The following DNAH11 variants were observed in gnomAD, a reference collection of about 807,000 sequenced individuals.
DNAH11 encodes the protein axonemal beta dynein heavy chain 11.
DNAH11 carries 442 observed loss-of-function variants against 526.0 expected under a neutral mutation model. That is an observed-to-expected ratio of 0.84 (90% CI 0.78 to 0.91). The LOEUF is 0.91. Among genes scored for constraint, DNAH11 ranks in the 40% least tolerant of loss-of-function variants. The pLI, the probability that DNAH11 is intolerant of heterozygous loss-of-function variation, is 0.00. For synonymous variants in DNAH11, 2,461 were observed against 1,935.9 expected, an observed-to-expected ratio of 1.27 and a Z score of -7.12; for missense variants, 6,989 against 5,448.7, an observed-to-expected ratio of 1.28 and a Z score of -8.90.
intron 42 of DNAH11, among the ~76,000 whole-genome samples, chr7:21,715,078 A>AT (rs1359597362): frequency 6.6e-6 from 1 of 152,214 alleles, no homozygotes; most frequent in African/African-American, 2.4e-5. Context: ...AACTTCAGAA[A>AT]TAATTGGTAT....
intron 20 of DNAH11, 87 bp downstream of exon 20, chr7:21,606,820 T>C (rs1785307973): frequency 8.4e-7 from 1 of 1,184,538 alleles, no homozygotes; most frequent in South Asian, 1.4e-5. Flanking sequence ...CCACATTTTG[T>C]CTTTGTTTTG....
At chr7:21,731,690 A>G (rs1436900696) in intron 45 of DNAH11, among the ~76,000 whole-genome samples, 2 of 152,210 alleles carry the variant, frequency 1.3e-5, no homozygotes, top group African/African-American at 2.4e-5. Context: ...AAAATACTCA[A>G]TGGAATATTC....
rs748626097 is a variant in DNAH11 at position 21,615,231 on chromosome 7, A to C, written c.3970A>C (p.Lys1324Gln). Residue 1324 changes from lysine to glutamine, a missense_variant, in exon 21 of 82, where the codon AAA becomes CAA. Transcript: ENST00000409508. ...AATGAAACAGTGTCGCAAAGAAATA[A>C]AATTGCTCAAGGGACTGTGGGATGT... ...KQMKQCRKEI[K>Q]LLKGLWDVII... The C allele has an allele frequency of 1.9e-6, 3 of 1,613,578 alleles. No homozygotes were observed. Among genetic ancestry groups the C allele is most frequent in the Non-Finnish European group, 2.5e-6 (3 of 1,179,634 alleles).
intron 2 of DNAH11, among the ~76,000 whole-genome samples, chr7:21,548,536 A>G (rs1782891729): frequency 6.6e-6 from 1 of 152,188 alleles, no homozygotes; most frequent in Admixed American, 6.5e-5. Context: ...AATATCTCCA[A>G]TTTTGGTGGC....
intron 36 of DNAH11, among the ~76,000 whole-genome samples, chr7:21,698,952 A>AT (rs1014612391): frequency 6.6e-6 from 1 of 151,892 alleles, no homozygotes; most frequent in Non-Finnish European, 1.5e-5. Context: ...TATAATTTTT[A>AT]TTTTTTTCTG....
chr7:21,642,945 G>A (rs1277673485), intron 28 of DNAH11, among the ~76,000 whole-genome samples: 1 of 152,114 alleles, frequency 6.6e-6, no homozygotes, highest in African/African-American at 2.4e-5. Context: ...GTTTGGTTAA[G>A]GTCAAGTTTT....
chr7:21,752,598 A>G (rs760682618), intron 54 of DNAH11, among the ~76,000 whole-genome samples: 7 of 152,178 alleles, frequency 4.6e-5, no homozygotes, highest in Non-Finnish European at 8.8e-5. Context: ...AATTTTTTAA[A>G]GGTTTACATG....
chr7:21,808,920 A>G (rs139507367), intron 63 of DNAH11, among the ~76,000 whole-genome samples: 160 of 152,296 alleles, frequency 1.1e-3, no homozygotes, highest in African/African-American at 3.8e-3. Flanking sequence ...TTGCTGGATC[A>G]TATGGTAGTT....
chr7:21,712,396 A>T (rs78756806), intron 42 of DNAH11, among the ~76,000 whole-genome samples: 1 of 152,364 alleles, frequency 6.6e-6, no homozygotes, highest in East Asian at 1.9e-4. Flanking sequence ...GGTAGAACTC[A>T]GAAGAATTTC....
At chr7:21,749,596 A>G in intron 52 of DNAH11, 82 bp from the exon 53 acceptor site, 1 of 1,559,740 alleles carries the variant, frequency 6.4e-7, no homozygotes, top group Non-Finnish European at 8.7e-7. Context: ...ACAGTTACTG[A>G]GTTCTCCCCA....
chr7:21,655,594 T>A (rs889242806), intron 28 of DNAH11, among the ~76,000 whole-genome samples: 2 of 152,166 alleles, frequency 1.3e-5, no homozygotes, highest in African/African-American at 4.8e-5. Context: ...TAGGTCACTT[T>A]TCATGGTAAG....
intron 25 of DNAH11, among the ~76,000 whole-genome samples, chr7:21,625,929 G>T (rs74332830): frequency 0.049 from 7,444 of 151,350 alleles, 194 homozygotes; most frequent in South Asian, 0.066. Context: ...AAACATTTAT[G>T]TTTTTTTATA....
chr7:21,882,851 G>A (rs185248928), intron 75 of DNAH11, among the ~76,000 whole-genome samples: 2 of 151,852 alleles, frequency 1.3e-5, no homozygotes, highest in African/African-American at 4.8e-5. Flanking sequence ...GAAAAGAACA[G>A]ATAATTATTT....
chr7:21,555,577 T>C (rs1783184783), intron 2 of DNAH11, among the ~76,000 whole-genome samples: 1 of 152,208 alleles, frequency 6.6e-6, no homozygotes, highest in Non-Finnish European at 1.5e-5. Flanking sequence ...AACTCCGCAC[T>C]TGCTTCATAT....
Position 21,687,434 on chromosome 7 carries a change from T to C in DNAH11, c.5831T>C (p.Phe1944Ser), listed in dbSNP as rs1783426315. 1 of 1,613,866 alleles carries C rather than the reference T, an allele frequency of 6.2e-7. No homozygotes were observed. Among genetic ancestry groups the C allele is most frequent in the Non-Finnish European group, 8.5e-7 (1 of 1,179,938 alleles). Residue 1944 changes from phenylalanine to serine, a missense_variant, in exon 34 of 82, where the codon TTT (phenylalanine) becomes TCT (serine). Coordinates refer to ENST00000409508, the MANE Select transcript of DNAH11 (RefSeq NM_001277115.2). ...GTGCAGACAGGAGCTTGGGGCTGCT[T>C]TGATGAGTTCAACCGAATCTCTGTG... is the stretch of plus-strand genomic sequence containing the variant. ...GLVQTGAWGCFDEFNRISVEV... is the reference protein window; with the variant it reads ...GLVQTGAWGCSDEFNRISVEV...
At chr7:21,866,307 C>A (rs1213572948) in intron 70 of DNAH11, among the ~76,000 whole-genome samples, 163 bp from the exon 71 acceptor site, 2 of 137,314 alleles carry the variant, frequency 1.5e-5, no homozygotes, top group African/African-American at 2.6e-5. Flanking sequence ...TTGAGCTTAC[C>A]CTCTCAGCAG....
intron 33 of DNAH11, 50 bp from the exon 34 acceptor site, chr7:21,687,332 G>A (rs1026702957): frequency 4.4e-6 from 7 of 1,576,200 alleles, no homozygotes; most frequent in Non-Finnish European, 5.2e-6. Flanking sequence ...CAATATAATA[G>A]CGTAAAAACC....
intron 2 of DNAH11, among the ~76,000 whole-genome samples, chr7:21,556,791 G>A (rs1783237447): frequency 6.6e-6 from 1 of 152,134 alleles, no homozygotes; most frequent in Non-Finnish European, 1.5e-5. Flanking sequence ...GCCAGGTGCG[G>A]TGGCTCGCAC....
At chr7:21,792,846 A>G (rs981004400) in intron 61 of DNAH11, among the ~76,000 whole-genome samples, 13 of 151,470 alleles carry the variant, frequency 8.6e-5, no homozygotes, top group African/African-American at 3.1e-4. Context: ...CATTTCATTG[A>G]TATTTTGTAT....
Sources: gnomAD v4.1 joint callset for allele counts (sites outside exome capture counted in the v4.1 genomes callset) on GRCh38, gnomAD v4.1.1 for gene constraint, MANE v1.5 for transcripts, NCBI Gene and HGNC (gene_info 2026-07-23, HGNC 2026-07-21) for gene names.